The following RBFOX1 variants were observed in gnomAD, a reference collection of about 807,000 sequenced individuals.
The protein encoded by RBFOX1 is RNA binding fox-1 homolog 1.
In RBFOX1, 8 loss-of-function variants were observed where a neutral mutation model predicts 57.7. That is an observed-to-expected ratio of 0.14 (90% CI 0.08 to 0.25). The LOEUF is 0.25. Among genes scored for constraint, RBFOX1 ranks in the 10% least tolerant of loss-of-function variants. The probability of loss-of-function intolerance (pLI) is 1.00; values close to 1 mark genes in which losing one functional copy is unlikely to be tolerated. For missense variants in RBFOX1, 611 were observed against 548.5 expected (o/e 1.11, Z -1.14); for synonymous variants, 326 against 222.4 (o/e 1.47, Z -4.15).
At chr16:6,886,189 G>C (rs924843555) in intron 3 of RBFOX1, among the ~76,000 whole-genome samples, 3 of 151,838 alleles carry the variant, frequency 2.0e-5, no homozygotes, top group African/African-American at 7.3e-5. Context: ...AGCCTCCTGA[G>C]TAGCTGGGAT....
intron 3 of RBFOX1, chr16:5,838,446 A>G (rs1222716061): frequency 1.3e-5 from 2 of 156,258 alleles, no homozygotes; most frequent in African/African-American, 4.8e-5. Flanking sequence ...CCCACTGGTA[A>G]ATACAATCAT....
intron 4 of RBFOX1, among the ~76,000 whole-genome samples, chr16:5,875,032 C>G (rs1567656958): frequency 6.6e-6 from 1 of 152,136 alleles, no homozygotes; most frequent in Non-Finnish European, 1.5e-5. Flanking sequence ...GAAGAAATAG[C>G]TGATATGAGA....
At chr16:7,064,418 C>G (rs370426274) in intron 4 of RBFOX1, among the ~76,000 whole-genome samples, 1 of 152,092 alleles carries the variant, frequency 6.6e-6, no homozygotes, top group South Asian at 2.1e-4. Flanking sequence ...AGCTGCCTGC[C>G]TCAGCCTCCC....
chr16:6,693,722 C>T (rs774761261), intron 3 of RBFOX1, among the ~76,000 whole-genome samples: 2 of 151,916 alleles, frequency 1.3e-5, no homozygotes, highest in Non-Finnish European at 2.9e-5. Context: ...ACTACCATCA[C>T]CACCATCATC....
intron 2 of RBFOX1, among the ~76,000 whole-genome samples, chr16:6,650,668 A>C (rs964799162): frequency 3.3e-5 from 5 of 152,302 alleles, no homozygotes; most frequent in Middle Eastern, 3.4e-3. Flanking sequence ...TCTACATAAA[A>C]CAAGATATTT....
chr16:6,180,374 T>C (rs908295770), intron 1 of RBFOX1, among the ~76,000 whole-genome samples: 3 of 152,094 alleles, frequency 2.0e-5, no homozygotes, highest in Non-Finnish European at 4.4e-5. Flanking sequence ...CAGAAATATT[T>C]TTTTCATTTT....
chr16:7,508,943 G>C (rs897911847), intron 4 of RBFOX1, among the ~76,000 whole-genome samples: 4 of 152,204 alleles, frequency 2.6e-5, no homozygotes, highest in Admixed American at 2.0e-4. Context: ...CCTCTCCCTT[G>C]ACAAGCAAGA....
At chr16:6,094,095 C>A (rs1343398062) in intron 1 of RBFOX1, among the ~76,000 whole-genome samples, 1 of 152,110 alleles carries the variant, frequency 6.6e-6, no homozygotes, top group Non-Finnish European at 1.5e-5. Context: ...TGAAAAGACC[C>A]CAAATGTGCA....
rs139982603 is a variant in RBFOX1, at chr16:5,414,437, A to G, written c.220-52779A>G. The stretch of plus-strand genomic sequence containing the variant: ...TTAGTTGTCACTTTATGAGAGATTT[A>G]TTCCCTCTAATCAACAGAATGGAGG... On this transcript the variant is annotated intron_variant, in intron 1 of 2. Coordinates refer to the RBFOX1 transcript ENST00000585867. Among the ~76,000 whole-genome samples, 64 of 152,308 alleles carry G rather than the reference A, an allele frequency of 4.2e-4. 1 individual carries two copies. In the East Asian group the frequency reaches 0.012, roughly 28 times the overall value.
rs113115252 is a variant in RBFOX1 at position 5,480,918 on chromosome 16, AT to A, written c.258+13668del. On this transcript the variant is annotated intron_variant, in intron 2 of 2. Transcript: ENST00000585867. Reference sequence around the variant, plus strand: ...ACGTTATTGCCACATATATTTTCATATTTTGCAAGGCAATCTATGTAGTATA... The same window carrying A: ...ACGTTATTGCCACATATATTTTCATATTTGCAAGGCAATCTATGTAGTATA... 6.8e-3 allele frequency among the ~76,000 whole-genome samples: 1,031 copies of A among 152,288 alleles called. 10 individuals carry two copies. The highest frequency in any genetic ancestry group is 0.023 in the African/African-American group (948 of 41,560).
At chr16:6,322,917 C>T (rs1469549081) in intron 2 of RBFOX1, among the ~76,000 whole-genome samples, 1 of 152,112 alleles carries the variant, frequency 6.6e-6, no homozygotes, top group Non-Finnish European at 1.5e-5. Flanking sequence ...ATTGACCATC[C>T]CATTTGCTTT....
chr16:7,163,179 A>G (rs1324621917), intron 4 of RBFOX1, among the ~76,000 whole-genome samples: 1 of 152,070 alleles, frequency 6.6e-6, no homozygotes, highest in Non-Finnish European at 1.5e-5. Context: ...GCCAACTGAG[A>G]TTTGAAAAGG....
chr16:5,669,292 T>C (rs534251354), intron 3 of RBFOX1, among the ~76,000 whole-genome samples: 1 of 152,202 alleles, frequency 6.6e-6, no homozygotes, highest in African/African-American at 2.4e-5. Flanking sequence ...TGTTTGACTA[T>C]CTCAGCCTAC....
At chr16:7,105,686 C>T (rs2063454983) in intron 4 of RBFOX1, among the ~76,000 whole-genome samples, 1 of 151,934 alleles carries the variant, frequency 6.6e-6, no homozygotes, top group African/African-American at 2.4e-5. Flanking sequence ...ATCTATCTGT[C>T]TATCTCTCTA....
At chr16:6,587,400 G>A (rs2097644871) in intron 2 of RBFOX1, among the ~76,000 whole-genome samples, 1 of 152,088 alleles carries the variant, frequency 6.6e-6, no homozygotes, top group African/African-American at 2.4e-5. Context: ...TCCTGCCTCA[G>A]CCTCCTGAGT....
At chr16:6,296,051 C>T (rs947502217) in intron 1 of RBFOX1, among the ~76,000 whole-genome samples, 6 of 152,172 alleles carry the variant, frequency 3.9e-5, no homozygotes, top group Admixed American at 1.3e-4. Flanking sequence ...GGAAGCTGAG[C>T]CCAGGATCTT....
chr16:6,796,049 T>C (rs573057516), intron 3 of RBFOX1, among the ~76,000 whole-genome samples: 20 of 150,200 alleles, frequency 1.3e-4, no homozygotes, highest in African/African-American at 3.0e-4. Context: ...ATACCTGAGA[T>C]TGGGCAATTT....
At chr16:5,392,230 A>G (rs752852116) in intron 1 of RBFOX1, among the ~76,000 whole-genome samples, 1 of 152,136 alleles carries the variant, frequency 6.6e-6, no homozygotes, top group Non-Finnish European at 1.5e-5. Flanking sequence ...AATCACCACT[A>G]AGGAATTTGT....
At chr16:7,329,914 A>C (rs192587166) in intron 4 of RBFOX1, among the ~76,000 whole-genome samples, 1 of 152,324 alleles carries the variant, frequency 6.6e-6, no homozygotes, top group East Asian at 1.9e-4. Flanking sequence ...ATTCTTTTAT[A>C]TATAAGCATA....
Sources: gnomAD v4.1 joint callset for allele counts (sites outside exome capture counted in the v4.1 genomes callset) on GRCh38, gnomAD v4.1.1 for gene constraint, MANE v1.5 for transcripts, NCBI Gene and HGNC (gene_info 2026-07-23, HGNC 2026-07-21) for gene names.